The following DMXL2 variants were observed in gnomAD, a reference collection of about 807,000 sequenced individuals.
DMXL2 encodes the protein Dmx like 2.
A neutral mutation model predicts 331.1 loss-of-function variants in DMXL2; 103 were observed. That is an observed-to-expected ratio of 0.31 (90% CI 0.27 to 0.37). The LOEUF (loss-of-function observed/expected upper bound fraction) is 0.37. Among genes scored for constraint, DMXL2 ranks in the 10% least tolerant of loss-of-function variants. The pLI, the probability that DMXL2 is intolerant of heterozygous loss-of-function variation, is 1.00. For synonymous variants in DMXL2, 1,281 were observed against 1,252.1 expected (o/e 1.02, Z -0.49); for missense variants, 3,171 against 3,642.9 (o/e 0.87, Z 3.33).
At position 51,537,651 on chromosome 15, in the gene DMXL2, G is replaced by A; in HGVS notation, c.1454C>T (p.Pro485Leu). The stretch of plus-strand genomic sequence containing the variant: ...CCGATCAAGCAGAACCGTAGGCAGT[G>A]GCATTGGTACACTAAGTCGTGAGTA... ...RTYSRLSVPMPLPTVLLDRKI... is the reference protein window; with the variant it reads ...RTYSRLSVPMLLPTVLLDRKI... Residue 485 changes from proline to leucine, a missense_variant, in exon 11 of 44, where the codon CCA becomes CTA. By Grantham distance (98) the Pro-to-Leu change is moderately conservative. Coordinates refer to ENST00000560891, the MANE Select transcript of DMXL2 (RefSeq NM_001378457.1). 1 of 1,613,898 alleles carries A rather than the reference G, an allele frequency of 6.2e-7. No homozygotes were observed. Among genetic ancestry groups the A allele is most frequent in the South Asian group, 1.1e-5 (1 of 91,072 alleles).
intron 7 of DMXL2, among the ~76,000 whole-genome samples, chr15:51,546,683 A>G (rs946333469): frequency 6.6e-6 from 1 of 152,138 alleles, no homozygotes; most frequent in African/African-American, 2.4e-5. Context: ...TGAGGAAAAA[A>G]TGTATAATAA....
At chr15:51,522,758 C>G (rs2047449739) in intron 13 of DMXL2, among the ~76,000 whole-genome samples, 1 of 152,218 alleles carries the variant, frequency 6.6e-6, no homozygotes, top group African/African-American at 2.4e-5. Context: ...GTAAATACCT[C>G]AAAACTATCT....
chr15:51,537,301 T>C (rs909163789), intron 11 of DMXL2, among the ~76,000 whole-genome samples, 187 bp downstream of exon 11: 1 of 152,194 alleles, frequency 6.6e-6, no homozygotes, highest in African/African-American at 2.4e-5. Flanking sequence ...ATTCATTATC[T>C]TCTAACTAAT....
intron 1 of DMXL2, among the ~76,000 whole-genome samples, chr15:51,596,001 T>C (rs1011229386): frequency 3.9e-5 from 6 of 152,166 alleles, no homozygotes; most frequent in East Asian, 1.9e-4. Flanking sequence ...ATTCAGGACA[T>C]AGGCATGGGC....
intron 33 of DMXL2, among the ~76,000 whole-genome samples, chr15:51,460,929 C>G (rs1192699122): frequency 6.6e-6 from 1 of 152,056 alleles, no homozygotes; most frequent in Non-Finnish European, 1.5e-5. Context: ...AATTCAGTTT[C>G]TCAATCATGC....
At chr15:51,479,878 T>A in intron 25 of DMXL2, 70 bp downstream of exon 25, 1 of 1,219,636 alleles carries the variant, frequency 8.2e-7, no homozygotes, top group African/African-American at 1.5e-5. Context: ...AAGTTCGAAT[T>A]AAAAGACAGG....
intron 6 of DMXL2, among the ~76,000 whole-genome samples, chr15:51,552,540 T>C (rs2049288462): frequency 1.3e-5 from 2 of 152,354 alleles, no homozygotes; most frequent in East Asian, 1.9e-4. Flanking sequence ...TTCTCCCATG[T>C]GTTCTAGGTC....
At chr15:51,564,660 C>T (rs578240753) in intron 4 of DMXL2, among the ~76,000 whole-genome samples, 143 of 152,096 alleles carry the variant, frequency 9.4e-4, no homozygotes, top group Non-Finnish European at 1.8e-3. Context: ...TAAAAAGAAT[C>T]CTTATTAATT....
At position 51,498,878 on chromosome 15, in the gene DMXL2, C is replaced by T. The variant is rs755528169; in HGVS notation, c.4346G>A (p.Ser1449Asn). 6.2e-6 allele frequency: 10 copies of T among 1,613,968 alleles called. No individual in the cohort carries two copies. In the African/African-American group the frequency reaches 1.2e-4, roughly 19 times the overall value. Residue 1449 changes from serine (S) to asparagine (N), a missense_variant, in exon 18 of 44, where the codon AGT becomes AAT. Coordinates refer to ENST00000560891, the MANE Select transcript of DMXL2 (RefSeq NM_001378457.1). Reference sequence around the variant, plus strand: ...TTCATAGCTCTGTGGTATCTTTGTACTTTCTTCTGAAATTCTGTAGGATGT... The same window carrying T: ...TTCATAGCTCTGTGGTATCTTTGTATTTTCTTCTGAAATTCTGTAGGATGT... ...QDTSYRISEE[S>N]TKIPQSYEDQ...
chr15:51,509,308 C>A (rs1326296147), intron 15 of DMXL2, among the ~76,000 whole-genome samples: 1 of 151,796 alleles, frequency 6.6e-6, no homozygotes, highest in Non-Finnish European at 1.5e-5. Flanking sequence ...AGATAGACTA[C>A]TTGCCAAACT....
intron 15 of DMXL2, among the ~76,000 whole-genome samples, chr15:51,511,384 T>C (rs2046746363): frequency 1.3e-5 from 2 of 152,214 alleles, no homozygotes; most frequent in African/African-American, 2.4e-5. Flanking sequence ...GCAAAGGATA[T>C]GAACAGACAC....
chr15:51,489,805 T>C (rs1330297973), intron 20 of DMXL2, among the ~76,000 whole-genome samples: 1 of 152,258 alleles, frequency 6.6e-6, no homozygotes, highest in Non-Finnish European at 1.5e-5. Context: ...AGAGGAATTT[T>C]ATTTGTATTC....
At chr15:51,621,258 CT>C (rs1275478792) in intron 1 of DMXL2, among the ~76,000 whole-genome samples, 2 of 152,200 alleles carry the variant, frequency 1.3e-5, no homozygotes, top group African/African-American at 4.8e-5. Flanking sequence ...AAGCAATCTT[CT>C]GGGGTTAATG....
intron 13 of DMXL2, among the ~76,000 whole-genome samples, chr15:51,530,214 C>T (rs191540424): frequency 7.9e-5 from 12 of 152,060 alleles, no homozygotes; most frequent in South Asian, 2.1e-4. Context: ...CAACGTAGTA[C>T]GGAAAGTGCC....
chr15:51,521,418 T>C (rs1021570344), intron 13 of DMXL2, among the ~76,000 whole-genome samples: 4 of 74,482 alleles, frequency 5.4e-5, no homozygotes, highest in African/African-American at 2.3e-4. Context: ...AGTTTGCTAG[T>C]AGTAGTAGTA....
At chr15:51,538,149 A>G (rs563187167) in intron 10 of DMXL2, 64 bp downstream of exon 10, 10 of 1,536,148 alleles carry the variant, frequency 6.5e-6, no homozygotes, top group Middle Eastern at 1.8e-4. Context: ...ATTCAAAACT[A>G]AAAGTGGTAC....
Position 51,537,628 on chromosome 15 carries a change from G to C in DMXL2, c.1477C>G (p.Arg493Gly), listed in dbSNP as rs200113262. 5 of 1,613,734 alleles carry C rather than the reference G, an allele frequency of 3.1e-6. No homozygotes were observed. In the African/African-American group the frequency reaches 4.0e-5, roughly 13 times the overall value. The part of the protein sequence containing the change: ...PMPLPTVLLD[R>G]KIETLLTEWN... ...TCAGTTAGCAGCGTTTCAATCTTCCGATCAAGCAGAACCGTAGGCAGTGGC... is the reference window on the plus strand; with the variant it reads ...TCAGTTAGCAGCGTTTCAATCTTCCCATCAAGCAGAACCGTAGGCAGTGGC... Residue 493 changes from arginine to glycine, a missense_variant, in exon 11 of 44, where the codon CGG becomes GGG. Coordinates refer to ENST00000560891, the MANE Select transcript of DMXL2 (RefSeq NM_001378457.1).
chr15:51,591,541 T>C (rs2052337179), intron 1 of DMXL2, among the ~76,000 whole-genome samples: 1 of 152,194 alleles, frequency 6.6e-6, no homozygotes, highest in African/African-American at 2.4e-5. Context: ...CAGAACCCTC[T>C]GCAGACTTAA....
intron 1 of DMXL2, among the ~76,000 whole-genome samples, chr15:51,622,104 C>T (rs901487492): frequency 2.0e-5 from 3 of 152,202 alleles, no homozygotes; most frequent in Admixed American, 1.3e-4. Context: ...CCGAGAGCAG[C>T]TGCGAAACGG....
Sources: allele counts gnomAD v4.1 joint callset (sites outside exome capture counted in the v4.1 genomes callset), GRCh38; gene constraint gnomAD v4.1.1; transcripts MANE v1.5; gene names NCBI Gene and HGNC (gene_info 2026-07-23, HGNC 2026-07-21).